The following PCDHGA2 variants were observed in gnomAD, a reference collection of about 807,000 sequenced individuals.
The protein encoded by PCDHGA2 is protocadherin gamma subfamily A, 2, also known as protocadherin gamma-A2.
A neutral mutation model predicts 59.2 loss-of-function variants in PCDHGA2; 40 were observed. That is an observed-to-expected ratio of 0.68 (90% CI 0.52 to 0.88). The LOEUF (loss-of-function observed/expected upper bound fraction) is 0.88. Among genes scored for constraint, PCDHGA2 ranks in the 40% least tolerant of loss-of-function variants. PCDHGA2 has a pLI of 0.00. For synonymous variants in PCDHGA2, 560 were observed against 526.0 expected (o/e 1.06, Z -0.89); for missense variants, 1,226 against 1,204.0 (o/e 1.02, Z -0.27).
Position 141,487,564 on chromosome 5 carries a change from G to A in PCDHGA2, c.2425-7243G>A, listed in dbSNP as rs1436847912. ...AGTCACCCAGTGCACCTATGGCAGG[G>A]GAGCCTGTTCGCCCAAGCTGCCCAC... On this transcript the variant is annotated intron_variant, in intron 1 of 3. Coordinates refer to ENST00000394576, the MANE Select transcript of PCDHGA2 (RefSeq NM_018915.4). This position sits in a 1 kb window ranked among gnomAD's most constrained non-coding sequence, Gnocchi z 5.0. 3 of 1,614,178 alleles carry A rather than the reference G, an allele frequency of 1.9e-6. No homozygotes were observed. Among genetic ancestry groups the A allele is most frequent in the Non-Finnish European group, 2.5e-6 (3 of 1,180,040 alleles).
rs764772557 is a variant in PCDHGA2 at position 141,340,547 on chromosome 5, C to T, written c.1576C>T (p.Arg526Ter). 1.2e-6 allele frequency: 2 copies of T among 1,614,224 alleles called. No individual in the cohort carries two copies. The highest frequency in any genetic ancestry group is 1.3e-5 in the African/African-American group (1 of 75,052). ...GCGCTCCTTTGATTATGAGCAGTTG[C>T]GAGACTTGCAAGTGTGGGTGATAGC... ...ALRSFDYEQL[R>*]DLQVWVIARD... The change falls in exon 1 of 4, where the codon CGA becomes TGA. Residue 526 changes from arginine (R) to a stop codon, truncating the protein, a stop_gained. Coordinates refer to ENST00000394576, the MANE Select transcript of PCDHGA2 (RefSeq NM_018915.4). LOFTEE classifies it high-confidence loss of function.
chr5:141,487,803 A>G lies in PCDHGA2; in HGVS notation c.2425-7004A>G. On this transcript the variant is annotated intron_variant, in intron 1 of 3. Transcript: ENST00000394576. The surrounding 1 kb of genome is among the most constrained non-coding windows in gnomAD (Gnocchi z 5.0). ...TTCGTGAATTAACCAGAGTTGTCAC[A>G]GTTTAGCATTGGGGGCGGGTCATGC... 2.0e-6 allele frequency: 3 copies of G among 1,466,166 alleles called. No individual in the cohort carries two copies. The highest frequency in any genetic ancestry group is 2.8e-6 in the Non-Finnish European group (3 of 1,084,448). The allele number at this position is 1,466,166 out of a possible 1,614,324, so 90.8% of individuals were successfully genotyped here. A position where few individuals can be genotyped will look rare whatever the true frequency, so the allele number is the denominator to read the frequency against.
intron 1 of PCDHGA2, chr5:141,403,538 C>T (rs781129314): frequency 1.5e-5 from 24 of 1,613,874 alleles, no homozygotes; most frequent in Non-Finnish European, 1.5e-5. Flanking sequence ...AGAGCTGGTG[C>T]TGGAGCGCGC....
Position 141,339,207 on chromosome 5 carries a change from C to G in PCDHGA2, c.236C>G (p.Pro79Arg), listed in dbSNP as rs1218871076. The change falls in exon 1 of 4, where the codon CCG becomes CGG. Residue 79 changes from proline to arginine, a missense_variant. Physicochemically the swap from Pro to Arg is moderately radical, Grantham distance 103. Transcript: ENST00000394576. The stretch of plus-strand genomic sequence containing the variant: ...AGGTCCCAGCTCTTTGCTCTGAACC[C>G]GCGAAGCGGCAGCTTGGTCACTGCG... The part of the protein sequence containing the change: ...RGRSQLFALN[P>R]RSGSLVTANR... The G allele has an allele frequency of 1.2e-6, 2 of 1,614,096 alleles. No individual in the cohort carries two copies. The highest frequency in any genetic ancestry group is 1.7e-6 in the Non-Finnish European group (2 of 1,179,936).
intron 1 of PCDHGA2, chr5:141,396,614 C>G (rs904107360): frequency 1.3e-5 from 2 of 149,602 alleles, no homozygotes; most frequent in African/African-American, 4.9e-5. Flanking sequence ...GGTGAGACTC[C>G]GTCTCAAAAA....
At chr5:141,415,420 G>A in intron 1 of PCDHGA2, 2 of 1,614,226 alleles carry the variant, frequency 1.2e-6, no homozygotes, top group Non-Finnish European at 1.7e-6. Flanking sequence ...GGGCGTGGAC[G>A]GGGTTCGGGC....
intron 1 of PCDHGA2, chr5:141,478,920 CCAGTGG>C: frequency 2.7e-6 from 2 of 728,392 alleles, no homozygotes; most frequent in South Asian, 4.5e-5. Flanking sequence ...ATACCTCTAA[CCAGTGG>C]CAGCTTCTAG....
At chr5:141,428,275 G>C in intron 1 of PCDHGA2, 1 of 767,218 alleles carries the variant, frequency 1.3e-6, no homozygotes, top group Non-Finnish European at 2.2e-6. Context: ...TGTGCCCTCT[G>C]ATTCCCAAGC....
intron 1 of PCDHGA2, chr5:141,413,388 C>G (rs765673305): frequency 6.2e-7 from 1 of 1,613,894 alleles, no homozygotes; most frequent in African/African-American, 1.3e-5. Context: ...TCCGCATAGT[C>G]TCCAGAGGTA....
chr5:141,364,652 A>G, intron 1 of PCDHGA2: 1 of 1,614,056 alleles, frequency 6.2e-7, no homozygotes, highest in Non-Finnish European at 8.5e-7. Context: ...GAACTTTAAC[A>G]TCTTGGTTGA....
At chr5:141,355,416 G>A in intron 1 of PCDHGA2, 1 of 1,614,086 alleles carries the variant, frequency 6.2e-7, no homozygotes, top group Non-Finnish European at 8.5e-7. Context: ...GAGGTAGGAC[G>A]CAGCTTTTCG....
intron 1 of PCDHGA2, chr5:141,400,587 C>T: frequency 6.2e-7 from 1 of 1,606,696 alleles, no homozygotes; most frequent in South Asian, 1.1e-5. Flanking sequence ...TTACATGAAA[C>T]TATCGTACAT....
intron 1 of PCDHGA2, chr5:141,404,714 G>T (rs776337117): frequency 6.2e-7 from 1 of 1,614,068 alleles, no homozygotes; most frequent in Non-Finnish European, 8.5e-7. Context: ...TGGCTACCTG[G>T]TGACCAAGGT....
intron 1 of PCDHGA2, chr5:141,357,043 G>A: frequency 6.8e-6 from 11 of 1,614,048 alleles, no homozygotes; most frequent in Non-Finnish European, 9.3e-6. Context: ...CAGCGAGCCG[G>A]GACTATTTGC....
chr5:141,361,482 C>A (rs759187963), intron 1 of PCDHGA2: 4 of 1,613,988 alleles, frequency 2.5e-6, no homozygotes, highest in Non-Finnish European at 3.4e-6. Flanking sequence ...ACGATAATGC[C>A]CCAGTTTTCC....
chr5:141,474,321 A>G (rs75620387), intron 1 of PCDHGA2, among the ~76,000 whole-genome samples: 2,046 of 152,326 alleles, frequency 0.013, 15 homozygotes, highest in Middle Eastern at 0.034. Context: ...GTGTTTTCAA[A>G]TCACCCTGAT....
chr5:141,361,612 G>A (rs1485952478), intron 1 of PCDHGA2: 2 of 1,613,984 alleles, frequency 1.2e-6, no homozygotes, highest in Admixed American at 1.7e-5. Flanking sequence ...CTCCATCGTA[G>A]CGAGCGACCT....
chr5:141,400,465 T>G (rs769092002), intron 1 of PCDHGA2: 2 of 1,614,060 alleles, frequency 1.2e-6, no homozygotes, highest in Admixed American at 1.7e-5. Context: ...TTGTGGTGAT[T>G]CATCTGGGGC....
intron 1 of PCDHGA2, chr5:141,374,825 C>A (rs11575953): frequency 0.017 from 27,610 of 1,613,884 alleles, 291 homozygotes; most frequent in African/African-American, 0.03. Context: ...GCCTGTCTAC[C>A]GTGTAAGTGT....
Sources: gnomAD v4.1 joint callset for allele counts (sites outside exome capture counted in the v4.1 genomes callset) on GRCh38, gnomAD v4.1.1 for gene constraint, Gnocchi (gnomAD v3.1) non-coding constraint, MANE v1.5 for transcripts, NCBI Gene and HGNC (gene_info 2026-07-23, HGNC 2026-07-21) for gene names.